The following ARID1B variants were observed in gnomAD, a reference collection of about 807,000 sequenced individuals.
ARID1B encodes AT-rich interaction domain 1B, also known as AT-rich interactive domain-containing protein 1B.
Under a neutral mutation model 212.3 loss-of-function variants are expected in ARID1B, and 30 were observed. The ratio of observed to expected loss-of-function variants is 0.14; its 90% CI spans 0.11 to 0.19. The LOEUF (loss-of-function observed/expected upper bound fraction) is 0.19. Ranked by LOEUF, ARID1B falls within the 10% of genes least tolerant of loss-of-function variation. ARID1B has a pLI of 1.00. For synonymous variants in ARID1B, 1,402 were observed against 1,301.7 expected (o/e 1.08, Z -1.66); for missense variants, 2,891 against 3,204.0 (o/e 0.90, Z 2.36).
In ARID1B at chr6:156,778,840, CCGGCGCGGGCGGCGGCGG is replaced by C. The variant is rs2114987484; in HGVS notation, c.1166_1183del (p.Ala389_Gly394del). 1 of 1,414,446 alleles carries C rather than the reference CCGGCGCGGGCGGCGGCGG, an allele frequency of 7.1e-7. No homozygotes were observed. Among genetic ancestry groups the C allele is most frequent in the South Asian group, 1.5e-5 (1 of 65,958 alleles). The allele number at this position is 1,414,446 out of a possible 1,614,324, so 87.6% of individuals were successfully genotyped here. ...AACCATTATCCGGGCTACAGCCGGC[CCGGCGCGGGCGGCGGCGG>C]CGGCGGCGGCGGCGGAGGAGGAGGA... On this transcript the variant is annotated inframe_deletion, in exon 1 of 20. Coordinates refer to ENST00000636930, the MANE Select transcript of ARID1B (RefSeq NM_001374828.1).
At chr6:156,776,485 A>T (rs1778631120), upstream of ARID1B, 2 of 152,304 alleles carry the variant, frequency 1.3e-5, no homozygotes, top group South Asian at 4.1e-4. Flanking sequence ...GTGCACACGA[A>T]GCTCTGAAAC....
At chr6:156,873,574 G>A (rs1786312829) in intron 2 of ARID1B, among the ~76,000 whole-genome samples, 1 of 152,234 alleles carries the variant, frequency 6.6e-6, no homozygotes, top group Non-Finnish European at 1.5e-5. Context: ...CAAATGATCT[G>A]CGTTGATGCA....
intron 4 of ARID1B, among the ~76,000 whole-genome samples, chr6:156,963,073 C>T (rs62422603): frequency 0.017 from 2,547 of 152,284 alleles, 33 homozygotes; most frequent in Non-Finnish European, 0.028. Context: ...TGAGCCACCG[C>T]GCCCGGCCTC....
chr6:156,872,067 TAG>T (rs767769216), intron 2 of ARID1B, among the ~76,000 whole-genome samples: 5 of 152,230 alleles, frequency 3.3e-5, no homozygotes, highest in Non-Finnish European at 7.3e-5. Flanking sequence ...GAAGTTGGAA[TAG>T]AGTCTGTGTA....
At chr6:156,800,884 GACCGTGTCTCTT>G (rs1265023843) in intron 1 of ARID1B, among the ~76,000 whole-genome samples, 3 of 152,066 alleles carry the variant, frequency 2.0e-5, no homozygotes, top group Non-Finnish European at 4.4e-5. Flanking sequence ...GATAGAGAAA[GACCGTGTCTCTT>G]AAAAAAAAAA....
chr6:157,185,624 A>G (rs1336692408), intron 13 of ARID1B: 2 of 152,258 alleles, frequency 1.3e-5, no homozygotes, highest in African/African-American at 4.8e-5. Context: ...GTGCTACAGT[A>G]TACACGATAC....
At chr6:156,813,513 A>G (rs1781760265) in intron 1 of ARID1B, among the ~76,000 whole-genome samples, 1 of 152,170 alleles carries the variant, frequency 6.6e-6, no homozygotes, top group South Asian at 2.1e-4. Context: ...GCTCTAAACA[A>G]TTTCTGATAT....
At chr6:156,883,299 T>C (rs1787248084) in intron 2 of ARID1B, among the ~76,000 whole-genome samples, 1 of 152,206 alleles carries the variant, frequency 6.6e-6, no homozygotes. Flanking sequence ...CTAATATTCA[T>C]ATAAACCTGG....
At chr6:156,969,293 C>T (rs1448564895) in intron 4 of ARID1B, among the ~76,000 whole-genome samples, 1 of 152,180 alleles carries the variant, frequency 6.6e-6, no homozygotes, top group African/African-American at 2.4e-5. Flanking sequence ...GAATGCAAAT[C>T]GCAGTTCAAA....
chr6:156,929,406 G>T (rs1241521780), intron 3 of ARID1B, among the ~76,000 whole-genome samples: 1 of 152,150 alleles, frequency 6.6e-6, no homozygotes, highest in Non-Finnish European at 1.5e-5. Flanking sequence ...ACTGTGGCAG[G>T]CTGTGTGGCC....
In ARID1B at chr6:156,990,335, G is replaced by T. The variant is rs1465137787; in HGVS notation, c.2247+54759G>T. Among the ~76,000 whole-genome samples, 3 of 151,896 alleles carry T rather than the reference G, an allele frequency of 2.0e-5. 1 individual carries two copies. Among genetic ancestry groups the T allele is most frequent in the African/African-American group, 7.3e-5 (3 of 41,350 alleles). On this transcript the variant is annotated intron_variant, in intron 4 of 19. Coordinates refer to ENST00000636930, the MANE Select transcript of ARID1B (RefSeq NM_001374828.1). ...CTGCAGGCACACACCACCACACCGG[G>T]CTAATTTTTCAAAACAGCTTTTGTA...
intron 3 of ARID1B, among the ~76,000 whole-genome samples, chr6:156,926,351 A>T (rs1486982834): frequency 1.3e-5 from 2 of 152,200 alleles, no homozygotes; most frequent in African/African-American, 4.8e-5. Context: ...AGTGCAGCAA[A>T]CATGTTAAAA....
chr6:156,845,898 C>T (rs1163339704), intron 2 of ARID1B, among the ~76,000 whole-genome samples: 4 of 151,970 alleles, frequency 2.6e-5, no homozygotes, highest in Non-Finnish European at 4.4e-5. Context: ...ATCCTCCTTT[C>T]ATCTGATTGC....
At chr6:157,021,834 G>C (rs1780309909) in intron 4 of ARID1B, among the ~76,000 whole-genome samples, 1 of 152,090 alleles carries the variant, frequency 6.6e-6, no homozygotes, top group East Asian at 1.9e-4. Context: ...AGCCGGCGCG[G>C]CCAGACTCAC....
At chr6:157,057,098 G>A (rs1488088579) in intron 4 of ARID1B, among the ~76,000 whole-genome samples, 1 of 151,638 alleles carries the variant, frequency 6.6e-6, no homozygotes, top group African/African-American at 2.4e-5. Context: ...CTGGGTTCAC[G>A]CCATTCTCCT....
intron 3 of ARID1B, among the ~76,000 whole-genome samples, chr6:156,922,046 T>C (rs1337125804): frequency 2.0e-5 from 3 of 152,338 alleles, no homozygotes; most frequent in South Asian, 2.1e-4. Context: ...TCTGTACCTC[T>C]TTATCCAGCA....
At chr6:157,058,464 C>T (rs1201496456) in intron 4 of ARID1B, among the ~76,000 whole-genome samples, 2 of 152,140 alleles carry the variant, frequency 1.3e-5, no homozygotes, top group African/African-American at 4.8e-5. Context: ...AGGGTTTCAC[C>T]ATATTGGCCA....
At chr6:156,966,218 A>G (rs940216044) in intron 4 of ARID1B, among the ~76,000 whole-genome samples, 2 of 152,212 alleles carry the variant, frequency 1.3e-5, no homozygotes, top group African/African-American at 4.8e-5. Flanking sequence ...ATAAGTGTGC[A>G]GATAATACTT....
chr6:156,887,813 A>G lies in ARID1B; in HGVS notation c.1987-13563A>G, dbSNP rs1378543472. ...AGGCTGTATTTAAAACCTACACACGAATGAGTAATTTATATGCATTTATCA... is the reference window on the plus strand; with the variant it reads ...AGGCTGTATTTAAAACCTACACACGGATGAGTAATTTATATGCATTTATCA... On this transcript the variant is annotated intron_variant, in intron 2 of 19. Transcript: ENST00000636930. 2.0e-5 allele frequency among the ~76,000 whole-genome samples: 3 copies of G among 152,302 alleles called. No individual in the cohort carries two copies. In the East Asian group the frequency reaches 5.8e-4, roughly 29 times the overall value.
Sources: gnomAD v4.1 joint callset for allele counts (sites outside exome capture counted in the v4.1 genomes callset) on GRCh38, gnomAD v4.1.1 for gene constraint, MANE v1.5 for transcripts, NCBI Gene and HGNC (gene_info 2026-07-23, HGNC 2026-07-21) for gene names.